FRMD4A: variants seen among roughly 807,000 people sequenced by gnomAD.
FRMD4A encodes FERM domain containing 4A, also known as FERM domain-containing protein 4A.
In FRMD4A, 29 loss-of-function variants were observed where a neutral mutation model predicts 129.1. The observed-to-expected ratio is 0.22, with a 90% CI of 0.17 to 0.31. The LOEUF is 0.31. FRMD4A is among the 10% of genes least tolerant of loss of function. The pLI is 1.00. For synonymous variants in FRMD4A, 634 were observed against 571.6 expected, an observed-to-expected ratio of 1.11 and a Z score of -1.56; for missense variants, 1,272 against 1,375.8, an observed-to-expected ratio of 0.92 and a Z score of 1.19.
intron 2 of FRMD4A, among the ~76,000 whole-genome samples, chr10:14,082,223 G>T (rs966977604): frequency 7.2e-5 from 11 of 152,050 alleles, no homozygotes; most frequent in Non-Finnish European, 2.9e-5. Context: ...CTCCAGCCTG[G>T]GCAACAGAGC....
intron 5 of FRMD4A, among the ~76,000 whole-genome samples, chr10:13,789,961 G>A (rs2092958548): frequency 6.6e-6 from 1 of 152,082 alleles, no homozygotes; most frequent in African/African-American, 2.4e-5. Flanking sequence ...GATGCTCAGT[G>A]TCTTCATATA....
intron 1 of FRMD4A, 145 bp downstream of exon 1, chr10:14,330,452 T>C (rs946783793): frequency 2.2e-5 from 9 of 402,850 alleles, no homozygotes; most frequent in Admixed American, 4.1e-5. Context: ...AACTGCTACC[T>C]TCGCCCTGGC....
At chr10:13,654,071 C>G (rs2081922421) in intron 23 of FRMD4A, 2 of 451,584 alleles carry the variant, frequency 4.4e-6, no homozygotes, top group African/African-American at 2.0e-5. Context: ...GACATTCTTG[C>G]CTGGCATTTT....
rs1035251633 is a variant in FRMD4A at position 14,300,309 on chromosome 10, T to C, written c.45+29749A>G. 3.3e-5 allele frequency among the ~76,000 whole-genome samples: 5 copies of C among 152,198 alleles called. No individual in the cohort carries two copies. The East Asian group carries it at 9.6e-4, about 29-fold the overall frequency. ...GAGAAGGCTTGGAGGTATGATGGGC[T>C]GATCTGAGCACTGACTTTGCCATGC... is the stretch of plus-strand genomic sequence containing the variant. On this transcript the variant is annotated intron_variant, in intron 2 of 24. Coordinates refer to ENST00000357447, the MANE Select transcript of FRMD4A (RefSeq NM_018027.5).
At chr10:13,789,558 CCACACACACACACACACACA>C (rs3220780) in intron 5 of FRMD4A, among the ~76,000 whole-genome samples, 1 of 144,696 alleles carries the variant, frequency 6.9e-6, no homozygotes, top group Non-Finnish European at 1.5e-5. Context: ...TATGAAAAGA[CCACACACACACACACACACA>C]CACACACACA....
At chr10:14,132,224 G>T (rs1839298205) in intron 2 of FRMD4A, among the ~76,000 whole-genome samples, 1 of 152,122 alleles carries the variant, frequency 6.6e-6, no homozygotes, top group Non-Finnish European at 1.5e-5. Context: ...GGAGGAGGAG[G>T]TTGCAGTGAG....
chr10:14,330,292 A>G lies in FRMD4A; in HGVS notation c.-81-109T>C, dbSNP rs1589324221. On this transcript the variant is annotated intron_variant, in intron 1 of 24. Transcript: ENST00000357447. ...GGAGGTCAGGGAAGACAGGGTGGGA[A>G]CTGTGCTTAGGGAGGAAAAAAAAAA... The G allele has an allele frequency of 5.1e-6, 3 of 592,794 alleles. No individual in the cohort carries two copies. In the East Asian group the frequency reaches 8.5e-5, roughly 17 times the overall value. The allele number at this position is 592,794 out of a possible 1,614,324, so 36.7% of individuals were successfully genotyped here. A position where few individuals can be genotyped will look rare whatever the true frequency, so the allele number is the denominator to read the frequency against.
chr10:14,278,145 C>T (rs530178564), intron 2 of FRMD4A, among the ~76,000 whole-genome samples: 66 of 152,198 alleles, frequency 4.3e-4, no homozygotes, highest in Non-Finnish European at 9.0e-4. Flanking sequence ...GGTTTGAAAC[C>T]GGGGGCTTCC....
At chr10:14,034,801 C>T (rs574948569) in intron 2 of FRMD4A, among the ~76,000 whole-genome samples, 2 of 152,162 alleles carry the variant, frequency 1.3e-5, no homozygotes, top group African/African-American at 4.8e-5. Context: ...CAGGCCGTCC[C>T]TAGAAGAGAA....
chr10:13,728,573 C>CTTTTTTTG lies in FRMD4A; in HGVS notation c.759+9270_759+9271insCAAAAAAA, dbSNP rs1261105240. 1.7e-4 allele frequency among the ~76,000 whole-genome samples: 13 copies of CTTTTTTTG among 78,372 alleles called. 2 individuals are homozygous for CTTTTTTTG. The highest frequency in any genetic ancestry group is 2.6e-4 in the Non-Finnish European group (11 of 42,034). 51.4% of individuals were successfully genotyped at this position (78,372 alleles called of 152,430 possible). A position where few individuals can be genotyped will look rare whatever the true frequency, so the allele number is the denominator to read the frequency against. On this transcript the variant is annotated intron_variant, in intron 12 of 24. Transcript: ENST00000357447. Reference sequence around the variant, plus strand: ...TCAGTGCTTTCAGGTGATTACCATTCTTTTTTTTTTTTTTTTTGAGATGGA... The same window carrying CTTTTTTTG: ...TCAGTGCTTTCAGGTGATTACCATTCTTTTTTTGTTTTTTTTTTTTTTTTTGAGATGGA...
intron 2 of FRMD4A, among the ~76,000 whole-genome samples, chr10:13,942,298 G>T (rs914114679): frequency 6.6e-6 from 1 of 152,206 alleles, no homozygotes; most frequent in Non-Finnish European, 1.5e-5. Flanking sequence ...TCTCTGCAAT[G>T]ATGGGCCCCT....
chr10:13,858,932 G>A lies in FRMD4A; in HGVS notation c.46-20C>T. ...CGTCATCTAAGAGGGAAGAGAAATG[G>A]TAGTCACTGAGAGTCTAGCAGCCAG... On this transcript the variant is annotated intron_variant, in intron 2 of 24. Coordinates refer to ENST00000357447, the MANE Select transcript of FRMD4A (RefSeq NM_018027.5). 2 of 1,481,190 alleles carry A rather than the reference G, an allele frequency of 1.4e-6. No individual in the cohort carries two copies. Among genetic ancestry groups the A allele is most frequent in the South Asian group, 1.1e-5 (1 of 88,318 alleles). 91.8% of individuals were successfully genotyped at this position (1,481,190 alleles called of 1,614,324 possible). A position where few individuals can be genotyped will look rare whatever the true frequency, so the allele number is the denominator to read the frequency against.
intron 2 of FRMD4A, among the ~76,000 whole-genome samples, chr10:14,200,262 G>T (rs1188905035): frequency 6.7e-6 from 1 of 150,172 alleles, no homozygotes; most frequent in Non-Finnish European, 1.5e-5. Context: ...ATGGACTCAG[G>T]GTTGGAAGAT....
At chr10:13,825,141 A>T (rs991144936) in intron 3 of FRMD4A, among the ~76,000 whole-genome samples, 2 of 152,216 alleles carry the variant, frequency 1.3e-5, no homozygotes, top group African/African-American at 4.8e-5. Flanking sequence ...GCAGAGTAAG[A>T]GATTAACAAC....
chr10:14,247,504 TCTCTCA>T, intron 2 of FRMD4A, among the ~76,000 whole-genome samples: 1 of 152,330 alleles, frequency 6.6e-6, no homozygotes, highest in Non-Finnish European at 1.5e-5. Flanking sequence ...CCTCTCTCTC[TCTCTCA>T]CTCTCACTTT....
At chr10:14,129,721 T>C (rs1839141664) in intron 2 of FRMD4A, among the ~76,000 whole-genome samples, 1 of 152,152 alleles carries the variant, frequency 6.6e-6, no homozygotes, top group Non-Finnish European at 1.5e-5. Flanking sequence ...TGTATTCCTA[T>C]TCCTTCATCT....
chr10:14,261,344 T>C (rs1173759228), intron 2 of FRMD4A, among the ~76,000 whole-genome samples: 3 of 152,086 alleles, frequency 2.0e-5, no homozygotes, highest in Admixed American at 2.0e-4. Flanking sequence ...AATTAATGAG[T>C]GAATGAATGA....
intron 15 of FRMD4A, among the ~76,000 whole-genome samples, chr10:13,689,404 C>A (rs116247716): frequency 6.6e-6 from 1 of 151,830 alleles, no homozygotes; most frequent in South Asian, 2.1e-4. Flanking sequence ...AGGACACTGA[C>A]GTGACACAAA....
chr10:13,908,087 C>T (rs1186041258), intron 2 of FRMD4A, among the ~76,000 whole-genome samples: 4 of 148,882 alleles, frequency 2.7e-5, no homozygotes, highest in Non-Finnish European at 1.5e-5. Context: ...ATCGCTTGAA[C>T]CCTGGAGGCA....
Sources: allele counts gnomAD v4.1 joint callset (sites outside exome capture counted in the v4.1 genomes callset), GRCh38; gene constraint gnomAD v4.1.1; transcripts MANE v1.5; gene names NCBI Gene and HGNC (gene_info 2026-07-23, HGNC 2026-07-21).